Variants in MINDY3 observed in about 807,000 individuals in gnomAD.
The protein encoded by MINDY3 is MINDY lysine 48 deubiquitinase 3, also known as ubiquitin carboxyl-terminal hydrolase MINDY-3.
In MINDY3, 38 loss-of-function variants were observed where a neutral mutation model predicts 69.2. That is an observed-to-expected ratio of 0.55 (90% CI 0.42 to 0.72). The LOEUF (loss-of-function observed/expected upper bound fraction) is 0.72. Among genes scored for constraint, MINDY3 ranks in the 30% least tolerant of loss-of-function variants. The pLI, the probability that MINDY3 is intolerant of heterozygous loss-of-function variation, is 0.00. For missense variants in MINDY3, 522 were observed against 519.0 expected, an observed-to-expected ratio of 1.01 and a Z score of -0.06; for synonymous variants, 192 against 180.1, an observed-to-expected ratio of 1.07 and a Z score of -0.53.
chr10:15,787,693 C>G (rs770024792), intron 12 of MINDY3, among the ~76,000 whole-genome samples: 5 of 152,138 alleles, frequency 3.3e-5, no homozygotes, highest in Non-Finnish European at 5.9e-5. Context: ...TCACAGACCT[C>G]CTACCTGACG....
intron 11 of MINDY3, 54 bp from the exon 12 acceptor site, chr10:15,789,373 G>T: frequency 7.5e-7 from 1 of 1,326,296 alleles, no homozygotes; most frequent in Non-Finnish European, 1.1e-6. Context: ...TTCAAGAAAT[G>T]CTATTAATGC....
chr10:15,806,503 A>G (rs1838650600), intron 10 of MINDY3, among the ~76,000 whole-genome samples: 1 of 152,170 alleles, frequency 6.6e-6, no homozygotes, highest in African/African-American at 2.4e-5. Context: ...AATTAGTCAC[A>G]GTACTCACAT....
intron 1 of MINDY3, among the ~76,000 whole-genome samples, chr10:15,854,806 C>G (rs532896220): frequency 6.6e-6 from 1 of 151,906 alleles, no homozygotes; most frequent in Non-Finnish European, 1.5e-5. Flanking sequence ...AAATGGAGAA[C>G]TGGAATAGAG....
Position 15,821,641 on chromosome 10 carries a change from T to C in MINDY3, c.801+15A>G. The C allele has an allele frequency of 6.3e-7, 1 of 1,590,610 alleles. No individual in the cohort carries two copies. The highest frequency in any genetic ancestry group is 1.4e-5 in the African/African-American group (1 of 73,800). ...TAAACAAAAAACATTCAAAGTACCTTAAAAATCAATTTACCTTACAGTATC... is the reference window on the plus strand; with the variant it reads ...TAAACAAAAAACATTCAAAGTACCTCAAAAATCAATTTACCTTACAGTATC... On this transcript the variant is annotated intron_variant, in intron 9 of 14. Coordinates refer to ENST00000277632, the MANE Select transcript of MINDY3 (RefSeq NM_024948.4).
intron 9 of MINDY3, 60 bp downstream of exon 9, chr10:15,821,596 T>G: frequency 7.9e-7 from 1 of 1,264,902 alleles, no homozygotes; most frequent in Admixed American, 1.9e-5. Context: ...AACAAAACAG[T>G]ATCCACAATA....
At chr10:15,837,451 T>C (rs1354572851) in intron 5 of MINDY3, 133 bp from the exon 6 acceptor site, 10 of 1,294,806 alleles carry the variant, frequency 7.7e-6, no homozygotes, top group Non-Finnish European at 9.6e-6. Flanking sequence ...CGTTTCTAAA[T>C]TTTTCATTAC....
At chr10:15,791,627 A>T (rs1357586492) in intron 11 of MINDY3, among the ~76,000 whole-genome samples, 1 of 152,010 alleles carries the variant, frequency 6.6e-6, no homozygotes, top group African/African-American at 2.4e-5. Context: ...GGCTGAAAGG[A>T]GGAAAAAAGC....
At position 15,792,421 on chromosome 10, in the gene MINDY3, T is replaced by G. The variant is rs1837488278; in HGVS notation, c.956-3102A>C. 2.0e-5 allele frequency among the ~76,000 whole-genome samples: 3 copies of G among 152,138 alleles called. No individual in the cohort carries two copies. In the South Asian group the frequency reaches 6.2e-4, roughly 32 times the overall value. On this transcript the variant is annotated intron_variant, in intron 11 of 14. Transcript: ENST00000277632. ...CTGCAAATTCACTTTTATTATGGGA[T>G]GGAAAAGGTACAAAATATGGTGGCA...
intron 10 of MINDY3, among the ~76,000 whole-genome samples, chr10:15,803,914 A>C (rs1001398156): frequency 8.5e-5 from 13 of 152,124 alleles, no homozygotes; most frequent in Admixed American, 6.6e-4. Flanking sequence ...TCTTTTCTTC[A>C]TCCCTAGTTG....
At chr10:15,782,809 G>T (rs1371406255) in intron 13 of MINDY3, among the ~76,000 whole-genome samples, 2 of 152,144 alleles carry the variant, frequency 1.3e-5, no homozygotes, top group Admixed American at 6.5e-5. Flanking sequence ...ATTCAATAAA[G>T]AAAGGATATC....
intron 11 of MINDY3, among the ~76,000 whole-genome samples, chr10:15,795,240 A>T (rs1007497515): frequency 1.3e-5 from 2 of 152,086 alleles, no homozygotes; most frequent in African/African-American, 4.8e-5. Flanking sequence ...ACTGATACCT[A>T]AGAAAACAGT....
intron 12 of MINDY3, among the ~76,000 whole-genome samples, chr10:15,787,007 A>T (rs1201881122): frequency 6.6e-6 from 1 of 152,184 alleles, no homozygotes; most frequent in Non-Finnish European, 1.5e-5. Context: ...TGAGGCATTT[A>T]ACTAACAAAA....
At chr10:15,794,343 G>C (rs1177588772) in intron 11 of MINDY3, among the ~76,000 whole-genome samples, 1 of 151,860 alleles carries the variant, frequency 6.6e-6, no homozygotes, top group Non-Finnish European at 1.5e-5. Flanking sequence ...GTTTGTAAGT[G>C]AAAAGAAAAA....
chr10:15,797,187 T>G (rs1360200420), intron 10 of MINDY3, among the ~76,000 whole-genome samples: 1 of 152,098 alleles, frequency 6.6e-6, no homozygotes, highest in Admixed American at 6.5e-5. Flanking sequence ...GAGTTCTAAC[T>G]GAGCCATGAG....
At chr10:15,808,131 GTAGTTCAGA>G (rs1337813420) in intron 10 of MINDY3, among the ~76,000 whole-genome samples, 1 of 152,148 alleles carries the variant, frequency 6.6e-6, no homozygotes, top group Non-Finnish European at 1.5e-5. Context: ...GACTTTCCAA[GTAGTTCAGA>G]TAAGAGATTA....
intron 12 of MINDY3, 50 bp downstream of exon 12, chr10:15,789,197 T>C (rs772590892): frequency 1.4e-6 from 2 of 1,461,668 alleles, no homozygotes; most frequent in South Asian, 1.1e-5. Flanking sequence ...TGTCTTAAAC[T>C]TAATCGAATC....
chr10:15,795,451 T>G (rs1169650870), intron 11 of MINDY3, among the ~76,000 whole-genome samples: 3 of 152,074 alleles, frequency 2.0e-5, no homozygotes, highest in Non-Finnish European at 4.4e-5. Flanking sequence ...AACTTCCATT[T>G]CTACACGGTA....
intron 10 of MINDY3, among the ~76,000 whole-genome samples, chr10:15,815,364 C>G (rs1283853016): frequency 6.6e-6 from 1 of 152,198 alleles, no homozygotes; most frequent in Non-Finnish European, 1.5e-5. Flanking sequence ...TCTATAACCC[C>G]TATCTGGACT....
In MINDY3 at chr10:15,860,281, C is replaced by G; in HGVS notation, c.19G>C (p.Glu7Gln). Residue 7 changes from glutamate (E) to glutamine (Q), a missense_variant, in exon 1 of 15, where the codon GAG becomes CAG. Coordinates refer to ENST00000277632, the MANE Select transcript of MINDY3 (RefSeq NM_024948.4). MSELTKELMELVWGTKS... is the reference protein window; with the variant it reads MSELTKQLMELVWGTKS... Reference sequence around the variant, plus strand: ...GTGCCCCACACCAGCTCCATCAGCTCTTTAGTCAGTTCGGACATGATGAGG... The same window carrying G: ...GTGCCCCACACCAGCTCCATCAGCTGTTTAGTCAGTTCGGACATGATGAGG... 1 of 1,607,624 alleles carries G rather than the reference C, an allele frequency of 6.2e-7. No homozygotes were observed. Among genetic ancestry groups the G allele is most frequent in the Non-Finnish European group, 8.5e-7 (1 of 1,177,108 alleles).
Sources: allele counts gnomAD v4.1 joint callset (sites outside exome capture counted in the v4.1 genomes callset), GRCh38; gene constraint gnomAD v4.1.1; transcripts MANE v1.5; gene names NCBI Gene and HGNC (gene_info 2026-07-23, HGNC 2026-07-21).